Variants in POTEF observed in about 807,000 individuals in gnomAD.
The protein encoded by POTEF is ANKRD26-like family C member 1B.
Under a neutral mutation model 83.2 loss-of-function variants are expected in POTEF, and 20 were observed. The observed-to-expected ratio is 0.24, with a 90% CI of 0.17 to 0.35. The LOEUF (loss-of-function observed/expected upper bound fraction) is 0.35, where lower values mean the gene tolerates loss of function less well. Among genes scored for constraint, POTEF ranks in the 10% least tolerant of loss-of-function variants. The pLI is 1.00. For missense variants in POTEF, 550 were observed against 1,203.2 expected (o/e 0.46, Z 8.03); for synonymous variants, 196 against 446.4 (o/e 0.44, Z 7.07).
At chr2:130,127,383 A>C (rs1379348632) in intron 2 of POTEF, among the ~76,000 whole-genome samples, 2 of 143,058 alleles carry the variant, frequency 1.4e-5, no homozygotes, top group East Asian at 4.0e-4. Context: ...TCACCCCCTA[A>C]ATTTTGTTAA....
chr2:130,110,081 C>A (rs1684667691), intron 7 of POTEF, among the ~76,000 whole-genome samples: 1 of 151,354 alleles, frequency 6.6e-6, no homozygotes, highest in Admixed American at 6.6e-5. Context: ...TTTCCTCCTC[C>A]TTCTGACTTG....
Position 130,075,532 on chromosome 2 carries a change from T to C in POTEF, c.1940A>G (p.Glu647Gly), listed in dbSNP as rs759861556. 31 of 1,610,860 alleles carry C rather than the reference T, an allele frequency of 1.9e-5. No individual in the cohort carries two copies. The highest frequency in any genetic ancestry group is 1.2e-4 in the Admixed American group (7 of 59,914). ...AATTTCTTCCCGCAACGTACTATTT[T>C]CATGCAAGATGTCTTTTTCTTTCTT... is the stretch of plus-strand genomic sequence containing the variant. The part of the protein sequence containing the change: ...SCKKEKDILH[E>G]NSTLREEIAM... The change falls in exon 17 of 17, where the codon GAA becomes GGA. Residue 647 changes from glutamate (E) to glycine (G), a missense_variant. By Grantham distance (98) the Glu-to-Gly change is moderately conservative (BLOSUM62 -2). Coordinates refer to ENST00000409914, the MANE Select transcript of POTEF (RefSeq NM_001099771.2).
chr2:130,119,647 T>C (rs575106754), intron 3 of POTEF, among the ~76,000 whole-genome samples: 1 of 151,980 alleles, frequency 6.6e-6, no homozygotes, highest in African/African-American at 2.4e-5. Context: ...GGGGCTTCGT[T>C]CTTAGTTCTC....
intron 5 of POTEF, among the ~76,000 whole-genome samples, chr2:130,113,020 AG>A (rs1684752146): frequency 6.6e-6 from 1 of 151,292 alleles, no homozygotes; most frequent in South Asian, 2.1e-4. Context: ...AGGAAGGAAA[AG>A]GTATTATTCT....
At chr2:130,104,544 GA>G in intron 8 of POTEF, among the ~76,000 whole-genome samples, 1 of 151,400 alleles carries the variant, frequency 6.6e-6, no homozygotes, top group Admixed American at 6.6e-5. Context: ...TGCAAGCGGG[GA>G]AAAAATCAAA....
At chr2:130,112,859 A>G (rs1388292122) in intron 5 of POTEF, among the ~76,000 whole-genome samples, 1 of 151,708 alleles carries the variant, frequency 6.6e-6, no homozygotes, top group Non-Finnish European at 1.5e-5. Context: ...TCTAATTGAG[A>G]AAACTCTGCT....
chr2:130,108,138 A>C (rs1255470070), intron 7 of POTEF, 59 bp from the exon 8 acceptor site: 8 of 1,516,602 alleles, frequency 5.3e-6, no homozygotes. Flanking sequence ...AAAAAAACTT[A>C]CCAAATGTAG....
intron 16 of POTEF, among the ~76,000 whole-genome samples, chr2:130,075,800 C>T (rs975347433): frequency 8.7e-5 from 12 of 137,842 alleles, no homozygotes; most frequent in Admixed American, 2.9e-4. Context: ...GGAATCTGCT[C>T]CTAAATTCCT....
chr2:130,107,101 T>C (rs1021549167), intron 8 of POTEF, among the ~76,000 whole-genome samples: 7 of 145,806 alleles, frequency 4.8e-5, no homozygotes, highest in African/African-American at 1.9e-4. Context: ...CCAGGTAGCA[T>C]ACTAGCATTT....
At chr2:130,127,652 T>C (rs1472901024) in intron 2 of POTEF, 57 bp downstream of exon 2, 1 of 152,942 alleles carries the variant, frequency 6.5e-6, no homozygotes, top group Non-Finnish European at 1.5e-5. Flanking sequence ...TCGCCATCAA[T>C]GCAGCAGCCC....
intron 3 of POTEF, among the ~76,000 whole-genome samples, chr2:130,117,497 T>C (rs1684872487): frequency 6.6e-6 from 1 of 151,960 alleles, no homozygotes. Context: ...AGAAACAAGT[T>C]TGATTATATT....
At chr2:130,126,190 T>C (rs1477896222) in intron 2 of POTEF, among the ~76,000 whole-genome samples, 4 of 131,200 alleles carry the variant, frequency 3.0e-5, no homozygotes, top group African/African-American at 1.2e-4. Flanking sequence ...GCAATCCCAG[T>C]TACTCAGGAG....
In POTEF at chr2:130,116,113, G is replaced by T. The variant is rs567309049; in HGVS notation, c.522-785C>A. Among the ~76,000 whole-genome samples, 630 of 152,032 alleles carry T rather than the reference G, an allele frequency of 4.1e-3. 6 individuals are homozygous for T. The highest frequency in any genetic ancestry group is 0.014 in the African/African-American group (595 of 41,336). On this transcript the variant is annotated intron_variant, in intron 3 of 16. Coordinates refer to ENST00000409914, the MANE Select transcript of POTEF (RefSeq NM_001099771.2). Reference sequence around the variant, plus strand: ...AAGAACTATGGAATAAGAAAGCTGAGGTGAAAACAAAAACAAATTTCTAAA... The same window carrying T: ...AAGAACTATGGAATAAGAAAGCTGATGTGAAAACAAAAACAAATTTCTAAA...
intron 2 of POTEF, among the ~76,000 whole-genome samples, chr2:130,125,918 A>C (rs1237485931): frequency 6.6e-6 from 1 of 151,680 alleles, no homozygotes; most frequent in Non-Finnish European, 1.5e-5. Flanking sequence ...AAAAAAAAAA[A>C]AATTACACAC....
chr2:130,106,883 T>TAAA (rs1684549297), intron 8 of POTEF, among the ~76,000 whole-genome samples: 1 of 149,438 alleles, frequency 6.7e-6, no homozygotes, highest in Non-Finnish European at 1.5e-5. Context: ...AATAGAAATG[T>TAAA]TTTCTTTGTA....
chr2:130,076,320 C>A (rs2104774005), intron 16 of POTEF, among the ~76,000 whole-genome samples: 1 of 142,050 alleles, frequency 7.0e-6, no homozygotes, highest in Non-Finnish European at 1.5e-5. Flanking sequence ...TGATCCTCCA[C>A]AAAACCACAC....
At chr2:130,113,221 G>GA (rs1206432110) in intron 5 of POTEF, among the ~76,000 whole-genome samples, 2,558 of 50,218 alleles carry the variant, frequency 0.051, 221 homozygotes, top group African/African-American at 0.15. Flanking sequence ...CATCTCTACT[G>GA]AAAAAAAAAA....
chr2:130,101,031 G>C (rs1413534509), intron 9 of POTEF, among the ~76,000 whole-genome samples: 1 of 143,078 alleles, frequency 7.0e-6, no homozygotes, highest in East Asian at 2.0e-4. Context: ...CATTTGTTTG[G>C]ACTAAACTTA....
intron 2 of POTEF, among the ~76,000 whole-genome samples, chr2:130,126,783 CT>C (rs1272847295): frequency 6.6e-6 from 1 of 151,772 alleles, no homozygotes; most frequent in African/African-American, 2.4e-5. Context: ...ACAATTTTGG[CT>C]TGTTGTTTGT....
Sources: gnomAD v4.1 joint callset for allele counts (sites outside exome capture counted in the v4.1 genomes callset) on GRCh38, gnomAD v4.1.1 for gene constraint, MANE v1.5 for transcripts, NCBI Gene and HGNC (gene_info 2026-07-23, HGNC 2026-07-21) for gene names.